The following MAP2 variants were observed in gnomAD, a reference collection of about 807,000 sequenced individuals.
MAP2 encodes microtubule associated protein 2, also known as microtubule-associated protein 2.
A neutral mutation model predicts 137.6 loss-of-function variants in MAP2; 14 were observed. The ratio of observed to expected loss-of-function variants is 0.10; its 90% CI spans 0.07 to 0.16. MAP2 has a LOEUF of 0.16. MAP2 is among the 10% of genes least tolerant of loss of function. MAP2 has a pLI of 1.00. For missense variants in MAP2, 2,088 were observed against 2,191.5 expected (o/e 0.95, Z 0.94); for synonymous variants, 786 against 782.3 (o/e 1.00, Z -0.08).
chr2:209,694,793 T>C lies in MAP2; in HGVS notation c.2623T>C (p.Tyr875His). 1 of 1,614,132 alleles carries C rather than the reference T, an allele frequency of 6.2e-7. No homozygotes were observed. Among genetic ancestry groups the C allele is most frequent in the Non-Finnish European group, 8.5e-7 (1 of 1,180,002 alleles). ...CCTGGGCTACTGTGTGTTCAATAAG[T>C]ACACAGTCCCATTGCCATCACCTGT... ...EDLGYCVFNK[Y>H]TVPLPSPVQD... The change falls in exon 8 of 16, where the codon TAC (tyrosine) becomes CAC (histidine). Residue 875 changes from tyrosine (Y) to histidine (H), a missense_variant. Transcript: ENST00000682079.
chr2:209,569,352 A>G (rs1426875867), intron 2 of MAP2, among the ~76,000 whole-genome samples: 7 of 151,830 alleles, frequency 4.6e-5, no homozygotes, highest in Non-Finnish European at 1.0e-4. Context: ...ATGAATATTT[A>G]TTGAATATTT....
At chr2:209,588,105 T>C (rs1299168842) in intron 3 of MAP2, among the ~76,000 whole-genome samples, 1 of 152,174 alleles carries the variant, frequency 6.6e-6, no homozygotes, top group Non-Finnish European at 1.5e-5. Context: ...ATGAGTGTTG[T>C]ACATGGGTGT....
intron 2 of MAP2, among the ~76,000 whole-genome samples, chr2:209,579,096 A>G (rs1413713299): frequency 6.6e-6 from 1 of 152,214 alleles, no homozygotes; most frequent in Admixed American, 6.5e-5. Flanking sequence ...ATAGTTAAAA[A>G]TATTGTAATT....
chr2:209,546,287 C>T (rs955942660), intron 2 of MAP2, among the ~76,000 whole-genome samples: 1 of 152,092 alleles, frequency 6.6e-6, no homozygotes, highest in Non-Finnish European at 1.5e-5. Flanking sequence ...TGTAGATTCC[C>T]ACTGTGTACA....
intron 4 of MAP2, among the ~76,000 whole-genome samples, chr2:209,647,700 C>G (rs773392100): frequency 2.0e-5 from 3 of 152,040 alleles, no homozygotes; most frequent in Admixed American, 6.5e-5. Flanking sequence ...TGAAATTATT[C>G]AGAGTGCAGC....
intron 14 of MAP2, among the ~76,000 whole-genome samples, chr2:209,728,503 A>T (rs1391407570): frequency 1.3e-5 from 2 of 152,250 alleles, no homozygotes; most frequent in East Asian, 1.9e-4. Context: ...GAACGAATGG[A>T]TGTTTCTCCA....
At position 209,731,168 on chromosome 2, in the gene MAP2, GATATAA is replaced by G. The variant is rs928560265; in HGVS notation, c.*777_*782del. 2.0e-5 allele frequency: 3 copies of G among 152,058 alleles called. No individual in the cohort carries two copies. The highest frequency in any genetic ancestry group is 4.8e-5 in the African/African-American group (2 of 41,272). 9.4% of individuals were successfully genotyped at this position (152,058 alleles called of 1,614,324 possible). On this transcript the variant is annotated 3_prime_UTR_variant, in exon 16 of 16. Transcript: ENST00000682079. The stretch of plus-strand genomic sequence containing the variant: ...TCCATCTGTTTGATACAGTATTATA[GATATAA>G]ATATATATATATTTCTCTGTGGCCA...
chr2:209,724,583 AAGAG>A (rs145497846), intron 13 of MAP2, among the ~76,000 whole-genome samples: 1,623 of 149,070 alleles, frequency 0.011, 20 homozygotes, highest in African/African-American at 0.037. Flanking sequence ...TCAAGCAGTG[AAGAG>A]AGAGAGAGAG....
chr2:209,676,887 C>T (rs546028137), intron 5 of MAP2, among the ~76,000 whole-genome samples: 211 of 150,850 alleles, frequency 1.4e-3, no homozygotes, highest in Non-Finnish European at 1.4e-3. Context: ...ATTTTAATTG[C>T]ATTAAAAATT....
intron 3 of MAP2, among the ~76,000 whole-genome samples, chr2:209,611,618 C>T (rs1436296327): frequency 2.0e-5 from 3 of 151,930 alleles, no homozygotes; most frequent in Non-Finnish European, 4.4e-5. Flanking sequence ...CTGCTAGTTC[C>T]GTACTATAAG....
chr2:209,501,519 A>G (rs1229109769), intron 1 of MAP2, among the ~76,000 whole-genome samples: 1 of 152,190 alleles, frequency 6.6e-6, no homozygotes, highest in Non-Finnish European at 1.5e-5. Context: ...CATTTCTCTT[A>G]CCTTTTAGGT....
At chr2:209,588,102 T>C (rs546647394) in intron 3 of MAP2, among the ~76,000 whole-genome samples, 2 of 152,256 alleles carry the variant, frequency 1.3e-5, no homozygotes, top group African/African-American at 4.8e-5. Context: ...AAAATGAGTG[T>C]TGTACATGGG....
intron 3 of MAP2, among the ~76,000 whole-genome samples, chr2:209,605,080 C>T (rs530657394): frequency 1.3e-4 from 20 of 152,182 alleles, no homozygotes; most frequent in African/African-American, 4.8e-4. Flanking sequence ...AATGTGAATA[C>T]ATCAGATCTG....
At chr2:209,673,565 A>G (rs1415098461) in intron 5 of MAP2, among the ~76,000 whole-genome samples, 1 of 151,864 alleles carries the variant, frequency 6.6e-6, no homozygotes, top group Admixed American at 6.6e-5. Flanking sequence ...AAAAATGTCC[A>G]GTGCCAGAAC....
At chr2:209,667,529 T>C (rs983917254) in intron 5 of MAP2, among the ~76,000 whole-genome samples, 1 of 152,032 alleles carries the variant, frequency 6.6e-6, no homozygotes, top group African/African-American at 2.4e-5. Flanking sequence ...GTACATGAAA[T>C]ACTGACATTG....
intron 1 of MAP2, among the ~76,000 whole-genome samples, chr2:209,460,240 G>A (rs916699707): frequency 6.6e-6 from 1 of 152,208 alleles, no homozygotes; most frequent in African/African-American, 2.4e-5. Flanking sequence ...TAAAATAGAT[G>A]AAGAAATTGG....
At chr2:209,635,902 G>A (rs1259991252) in intron 4 of MAP2, among the ~76,000 whole-genome samples, 1 of 152,126 alleles carries the variant, frequency 6.6e-6, no homozygotes, top group East Asian at 1.9e-4. Flanking sequence ...TGTAAGCAAA[G>A]ACAGTTTGAT....
intron 3 of MAP2, among the ~76,000 whole-genome samples, chr2:209,596,398 A>C (rs2153449141): frequency 6.6e-6 from 1 of 152,294 alleles, no homozygotes; most frequent in African/African-American, 2.4e-5. Flanking sequence ...TAGATATATG[A>C]CTGCTATTCA....
intron 2 of MAP2, among the ~76,000 whole-genome samples, chr2:209,575,866 G>A (rs76202158): frequency 0.011 from 1,655 of 152,254 alleles, 32 homozygotes; most frequent in African/African-American, 0.037. Context: ...ATGGAAAAAA[G>A]TAAAATGCAG....
Sources: gnomAD v4.1 joint callset for allele counts (sites outside exome capture counted in the v4.1 genomes callset) on GRCh38, gnomAD v4.1.1 for gene constraint, MANE v1.5 for transcripts, NCBI Gene and HGNC (gene_info 2026-07-23, HGNC 2026-07-21) for gene names.